The following PDCD4 variants were observed in gnomAD, a reference collection of about 807,000 sequenced individuals.
PDCD4 encodes programmed cell death protein 4.
A neutral mutation model predicts 54.0 loss-of-function variants in PDCD4; 56 were observed. The ratio of observed to expected loss-of-function variants is 1.04; its 90% confidence interval spans 0.84 to 1.30. The LOEUF (loss-of-function observed/expected upper bound fraction) is 1.30, where lower values mean the gene tolerates loss of function less well. PDCD4 is among the 50% of genes most tolerant of loss of function. The probability of loss-of-function intolerance (pLI) is 0.00; values close to 1 mark genes in which losing one functional copy is unlikely to be tolerated. For missense variants in PDCD4, 584 were observed against 559.8 expected (o/e 1.04, Z -0.44); for synonymous variants, 186 against 194.8 (o/e 0.95, Z 0.37).
Position 110,894,038 on chromosome 10 carries a change from C to T in PDCD4, c.991-53C>T, listed in dbSNP as rs559730132. The T allele has an allele frequency of 1.4e-3, 1,526 of 1,078,466 alleles. 4 individuals are homozygous for T. Among genetic ancestry groups the T allele is most frequent in the Admixed American group, 5.1e-3 (279 of 55,126 alleles). 66.8% of individuals were successfully genotyped at this position (1,078,466 alleles called of 1,614,324 possible). On this transcript the variant is annotated intron_variant, in intron 8 of 11. Coordinates refer to ENST00000280154, the MANE Select transcript of PDCD4 (RefSeq NM_014456.5). ...GGGCAAATAATCCTGTAGGCAAGCA[C>T]GATATTTTAAAAGTTAGGAATTCTG...
chr10:110,887,009 C>T (rs11195366), intron 5 of PDCD4, among the ~76,000 whole-genome samples: 7,246 of 152,130 alleles, frequency 0.048, 179 homozygotes, highest in Middle Eastern at 0.085. Flanking sequence ...TCTCATAAAA[C>T]AATATTTATA....
chr10:110,883,187 C>A, intron 4 of PDCD4, 90 bp downstream of exon 4: 1 of 801,176 alleles, frequency 1.2e-6, no homozygotes, highest in Non-Finnish European at 2.0e-6. Context: ...TGTGTCAAAT[C>A]ATATGTATAA....
At chr10:110,889,743 C>G in intron 7 of PDCD4, 113 bp downstream of exon 7, 2 of 676,254 alleles carry the variant, frequency 3.0e-6, no homozygotes, top group East Asian at 2.6e-5. Flanking sequence ...TTTGTCACTT[C>G]TCTATATTCT....
At chr10:110,889,680 T>A in intron 7 of PDCD4, 50 bp downstream of exon 7, 2 of 990,580 alleles carry the variant, frequency 2.0e-6, no homozygotes, top group Non-Finnish European at 3.2e-6. Context: ...GGGAAAATTC[T>A]ACAGGATCCT....
intron 2 of PDCD4, among the ~76,000 whole-genome samples, chr10:110,878,056 A>C (rs966491834): frequency 6.6e-6 from 1 of 152,226 alleles, no homozygotes; most frequent in Non-Finnish European, 1.5e-5. Flanking sequence ...TTGAGATATC[A>C]GAATTCAGAA....
chr10:110,893,649 C>G (rs1845789192), intron 8 of PDCD4, among the ~76,000 whole-genome samples: 1 of 151,904 alleles, frequency 6.6e-6, no homozygotes, highest in African/African-American at 2.4e-5. Flanking sequence ...CTAGTAATGC[C>G]CCATTATCAT....
intron 5 of PDCD4, 104 bp from the exon 6 acceptor site, chr10:110,887,561 G>C (rs1050160121): frequency 1.5e-6 from 1 of 681,266 alleles, no homozygotes; most frequent in East Asian, 2.7e-5. Context: ...AGAGTGAGAC[G>C]TAGAGATATA....
At position 110,885,043 on chromosome 10, in the gene PDCD4, G is replaced by A. The variant is rs760166105; in HGVS notation, c.442-210G>A. The A allele has an allele frequency of 4.3e-4, 159 of 367,608 alleles. 1 individual carries two copies. The highest frequency in any genetic ancestry group is 7.0e-4 in the Non-Finnish European group (144 of 204,550). The allele number at this position is 367,608 out of a possible 1,614,324, so 22.8% of individuals were successfully genotyped here. On this transcript the variant is annotated intron_variant, in intron 4 of 11. Transcript: ENST00000280154. ...ACTCCAGGCCTCAAGTGAACCTCCC[G>A]CCTTTGCCTCCCAAAGTGTTGGGAT... is the stretch of plus-strand genomic sequence containing the variant.
In PDCD4 at chr10:110,899,297, G is replaced by A. The variant is rs914204576; in HGVS notation, c.*1209G>A. On this transcript the variant is annotated 3_prime_UTR_variant, in exon 12 of 12. Coordinates refer to ENST00000280154, the MANE Select transcript of PDCD4 (RefSeq NM_014456.5). Reference sequence around the variant, plus strand: ...CTGCTTACAGGTTTAGATATAGTCTGTTAGAATTAAAACCAAGTTTAGTGT... The same window carrying A: ...CTGCTTACAGGTTTAGATATAGTCTATTAGAATTAAAACCAAGTTTAGTGT... 2.0e-5 allele frequency: 3 copies of A among 152,138 alleles called. No individual in the cohort carries two copies. Among genetic ancestry groups the A allele is most frequent in the African/African-American group, 7.2e-5 (3 of 41,414 alleles). 9.4% of individuals were successfully genotyped at this position (152,138 alleles called of 1,614,324 possible).
At chr10:110,882,971 GT>G (rs1306089846) in intron 3 of PDCD4, 31 bp from the exon 4 acceptor site, 4 of 1,306,878 alleles carry the variant, frequency 3.1e-6, no homozygotes, top group East Asian at 2.4e-5. Flanking sequence ...TGAATTTTGT[GT>G]TTTTTCTTTC....
At chr10:110,880,559 T>C (rs1297569933) in intron 2 of PDCD4, 1 of 152,234 alleles carries the variant, frequency 6.6e-6, no homozygotes, top group African/African-American at 2.4e-5. Context: ...AAGCAAACTT[T>C]GTCTTGAGGC....
intron 11 of PDCD4, among the ~76,000 whole-genome samples, chr10:110,896,664 T>G (rs538565905): frequency 6.6e-6 from 1 of 152,086 alleles, no homozygotes; most frequent in Non-Finnish European, 1.5e-5. Context: ...GTTGGTAAGT[T>G]TTTTTGTTGT....
chr10:110,880,720 C>T (rs1264219961), intron 2 of PDCD4, among the ~76,000 whole-genome samples: 1 of 152,120 alleles, frequency 6.6e-6, no homozygotes, highest in Non-Finnish European at 1.5e-5. Context: ...CCTTAGTTTC[C>T]TTATCTGTCT....
intron 1 of PDCD4, 48 bp from the exon 2 acceptor site, chr10:110,875,918 T>A: frequency 2.6e-6 from 2 of 773,554 alleles, no homozygotes; most frequent in Non-Finnish European, 2.1e-6. Context: ...CTTAATTACA[T>A]CAGTTTAAAA....
At chr10:110,874,570 A>G (rs898227834) in intron 1 of PDCD4, among the ~76,000 whole-genome samples, 14 of 152,070 alleles carry the variant, frequency 9.2e-5, no homozygotes, top group African/African-American at 3.4e-4. Flanking sequence ...GTGAAAAGTG[A>G]TTATAAAGAT....
intron 8 of PDCD4, chr10:110,890,976 T>G (rs1845746411): frequency 5.0e-6 from 1 of 199,452 alleles, no homozygotes; most frequent in African/African-American, 2.3e-5. Flanking sequence ...GCTGTTGAAA[T>G]GAGATTTTCT....
At chr10:110,877,300 G>T in intron 2 of PDCD4, among the ~76,000 whole-genome samples, 1 of 152,086 alleles carries the variant, frequency 6.6e-6, no homozygotes, top group East Asian at 1.9e-4. Context: ...TATTACTCCT[G>T]GGCTCAAGTG....
Position 110,890,617 on chromosome 10 carries a change from A to T in PDCD4, c.937A>T (p.Ser313Cys), listed in dbSNP as rs778286423. The T allele has an allele frequency of 6.2e-7, 1 of 1,613,584 alleles. No homozygotes were observed. Among genetic ancestry groups the T allele is most frequent in the Admixed American group, 1.7e-5 (1 of 60,020 alleles). ...SMSKGGKRKD[S>C]VWGSGGGQQS... Reference sequence around the variant, plus strand: ...GTCTAAAGGTGGAAAGCGTAAAGATAGTGTGTGGGGCTCTGGAGGTGGGCA... The same window carrying T: ...GTCTAAAGGTGGAAAGCGTAAAGATTGTGTGTGGGGCTCTGGAGGTGGGCA... The change falls in exon 8 of 12, where the codon AGT (serine) becomes TGT (cysteine). Residue 313 changes from serine to cysteine, a missense_variant. Ser to Cys is a moderately radical substitution (Grantham distance 112). Transcript: ENST00000280154.
Position 110,875,951 on chromosome 10 carries a change from CT to C in PDCD4, c.-62-11del, listed in dbSNP as rs1232921765. ...AAAGATCTTGAAGCTTTCTTTTTTT[CT>C]TTTAAAAAAACAGATTCTGAAGGAA... On this transcript the variant is annotated splice_polypyrimidine_tract_variant and intron_variant, in intron 1 of 11. Coordinates refer to ENST00000280154, the MANE Select transcript of PDCD4 (RefSeq NM_014456.5). 21 of 1,166,784 alleles carry C rather than the reference CT, an allele frequency of 1.8e-5. No individual in the cohort carries two copies. Among genetic ancestry groups the C allele is most frequent in the Middle Eastern group, 2.0e-4 (1 of 4,888 alleles). The allele number at this position is 1,166,784 out of a possible 1,614,324, so 72.3% of individuals were successfully genotyped here.
Sources: allele counts gnomAD v4.1 joint callset (sites outside exome capture counted in the v4.1 genomes callset), GRCh38; gene constraint gnomAD v4.1.1; transcripts MANE v1.5; gene names NCBI Gene and HGNC (gene_info 2026-07-23, HGNC 2026-07-21).